The following PDCD4 variants were observed in gnomAD, a reference collection of about 807,000 sequenced individuals.
PDCD4 encodes programmed cell death protein 4.
In PDCD4, 56 loss-of-function variants were observed where a neutral mutation model predicts 54.0. The ratio of observed to expected loss-of-function variants is 1.04; its 90% CI spans 0.84 to 1.30. PDCD4 has a LOEUF of 1.30. PDCD4 is among the 50% of genes most tolerant of loss of function. The probability of loss-of-function intolerance (pLI) is 0.00; values close to 1 mark genes in which losing one functional copy is unlikely to be tolerated. For missense variants in PDCD4, 584 were observed against 559.8 expected (o/e 1.04, Z -0.44); for synonymous variants, 186 against 194.8 (o/e 0.95, Z 0.37).
chr10:110,887,630 C>G (rs772863708), intron 5 of PDCD4, 35 bp from the exon 6 acceptor site: 2 of 1,494,984 alleles, frequency 1.3e-6, no homozygotes, highest in Non-Finnish European at 1.9e-6. Context: ...TAGTGATACA[C>G]TTTTAAAATG....
Position 110,890,624 on chromosome 10 carries a change from G to C in PDCD4, c.944G>C (p.Trp315Ser). The change falls in exon 8 of 12, where the codon TGG becomes TCG. Residue 315 changes from tryptophan (W) to serine (S), a missense_variant. By Grantham distance (177) the Trp-to-Ser change is radical (BLOSUM62 -3). Transcript: ENST00000280154. Reference sequence around the variant, plus strand: ...GGTGGAAAGCGTAAAGATAGTGTGTGGGGCTCTGGAGGTGGGCAGCAATCT... The same window carrying C: ...GGTGGAAAGCGTAAAGATAGTGTGTCGGGCTCTGGAGGTGGGCAGCAATCT... The part of the protein sequence containing the change: ...SKGGKRKDSV[W>S]GSGGGQQSVN... The C allele has an allele frequency of 6.2e-7, 1 of 1,613,240 alleles. No individual in the cohort carries two copies. Among genetic ancestry groups the C allele is most frequent in the Non-Finnish European group, 8.5e-7 (1 of 1,179,438 alleles).
intron 8 of PDCD4, among the ~76,000 whole-genome samples, chr10:110,892,186 C>T (rs759236017): frequency 6.6e-6 from 1 of 152,080 alleles, no homozygotes; most frequent in African/African-American, 2.4e-5. Context: ...AACTGCAAAA[C>T]AGGTTGAAAG....
Position 110,894,423 on chromosome 10 carries a change from G to C in PDCD4, c.1110G>C (p.Met370Ile). The change falls in exon 10 of 12, where the codon ATG becomes ATC. Residue 370 changes from methionine (M) to isoleucine (I), a missense_variant. Coordinates refer to ENST00000280154, the MANE Select transcript of PDCD4 (RefSeq NM_014456.5). Reference sequence around the variant, plus strand: ...GATTCAATTTTTAGGCTATTATAATGGTTTTAGAGTCAACTGGAGAAAGTA... The same window carrying C: ...GATTCAATTTTTAGGCTATTATAATCGTTTTAGAGTCAACTGGAGAAAGTA... ...HHELVYEAII[M>I]VLESTGESTF... 1 of 1,528,122 alleles carries C rather than the reference G, an allele frequency of 6.5e-7. No homozygotes were observed. 94.7% of individuals were successfully genotyped at this position (1,528,122 alleles called of 1,614,324 possible). A position where few individuals can be genotyped will look rare whatever the true frequency, so the allele number is the denominator to read the frequency against.
intron 4 of PDCD4, among the ~76,000 whole-genome samples, chr10:110,884,558 T>G (rs1482946362): frequency 6.6e-6 from 1 of 152,136 alleles, no homozygotes; most frequent in Non-Finnish European, 1.5e-5. Flanking sequence ...GCTTCATTTT[T>G]TTTTAAAGTG....
At position 110,894,421 on chromosome 10, in the gene PDCD4, A is replaced by C. The variant is rs761574880; in HGVS notation, c.1108A>C (p.Met370Leu). The change falls in exon 10 of 12, where the codon ATG becomes CTG. Residue 370 changes from methionine to leucine, a missense_variant. Met to Leu is a conservative substitution (Grantham distance 15). Coordinates refer to ENST00000280154, the MANE Select transcript of PDCD4 (RefSeq NM_014456.5). ...HHELVYEAII[M>L]VLESTGESTF... ...TTGATTCAATTTTTAGGCTATTATA[A>C]TGGTTTTAGAGTCAACTGGAGAAAG... 6.6e-7 allele frequency: 1 copy of C among 1,519,638 alleles called. No homozygotes were observed. The highest frequency in any genetic ancestry group is 2.3e-5 in the East Asian group (1 of 44,254). The allele number at this position is 1,519,638 out of a possible 1,614,324, so 94.1% of individuals were successfully genotyped here. A position where few individuals can be genotyped will look rare whatever the true frequency, so the allele number is the denominator to read the frequency against.
chr10:110,898,104 C>G lies in PDCD4; in HGVS notation c.*16C>G, dbSNP rs201739274. 5 of 1,486,816 alleles carry G rather than the reference C, an allele frequency of 3.4e-6. No individual in the cohort carries two copies. The South Asian group carries it at 3.8e-5, about 11-fold the overall frequency. 92.1% of individuals were successfully genotyped at this position (1,486,816 alleles called of 1,614,324 possible). A position where few individuals can be genotyped will look rare whatever the true frequency, so the allele number is the denominator to read the frequency against. ...GAGCTACTGAATATAAGAACTCTTGCAGTCTTAGATGTTATAAAAATATAT... is the reference window on the plus strand; with the variant it reads ...GAGCTACTGAATATAAGAACTCTTGGAGTCTTAGATGTTATAAAAATATAT... On this transcript the variant is annotated 3_prime_UTR_variant, in exon 12 of 12. Coordinates refer to ENST00000280154, the MANE Select transcript of PDCD4 (RefSeq NM_014456.5).
intron 2 of PDCD4, among the ~76,000 whole-genome samples, chr10:110,877,654 C>T (rs745730375): frequency 6.6e-6 from 1 of 151,892 alleles, no homozygotes; most frequent in Non-Finnish European, 1.5e-5. Flanking sequence ...TAGTTCTAAC[C>T]CTGTTCTTGG....
intron 2 of PDCD4, among the ~76,000 whole-genome samples, chr10:110,877,080 T>A (rs1845516849): frequency 6.6e-6 from 1 of 152,208 alleles, no homozygotes; most frequent in Non-Finnish European, 1.5e-5. Flanking sequence ...TAAAGTATGG[T>A]AAAAAATTGA....
chr10:110,896,301 C>T (rs1477964706), intron 11 of PDCD4, among the ~76,000 whole-genome samples: 1 of 152,154 alleles, frequency 6.6e-6, no homozygotes, highest in African/African-American at 2.4e-5. Context: ...AGAAACTAAT[C>T]TTGTGGAGCA....
chr10:110,878,548 G>A (rs547426686), intron 2 of PDCD4, among the ~76,000 whole-genome samples: 1 of 152,198 alleles, frequency 6.6e-6, no homozygotes. Context: ...TAATTTATGT[G>A]ATCCTGATCT....
chr10:110,885,025 G>A (rs1845647718), intron 4 of PDCD4: 1 of 340,516 alleles, frequency 2.9e-6, no homozygotes, highest in Non-Finnish European at 5.3e-6. Flanking sequence ...TGAACTCCAG[G>A]CCTCAAGTGA....
chr10:110,872,346 TCC>T (rs1257141657), intron 1 of PDCD4: 3 of 152,200 alleles, frequency 2.0e-5, no homozygotes, highest in Non-Finnish European at 4.4e-5. Flanking sequence ...CCCTTGAAGG[TCC>T]CCCTCAGCCC....
intron 2 of PDCD4, among the ~76,000 whole-genome samples, chr10:110,880,964 AAAC>A (rs1845581051): frequency 6.6e-6 from 1 of 152,198 alleles, no homozygotes; most frequent in Admixed American, 6.5e-5. Flanking sequence ...CTTTTGGTAA[AAAC>A]AAACAAATTT....
intron 8 of PDCD4, 63 bp from the exon 9 acceptor site, chr10:110,894,028 T>A (rs535862467): frequency 3.1e-6 from 3 of 958,924 alleles, no homozygotes; most frequent in Non-Finnish European, 5.0e-6. Flanking sequence ...AATAATCCTG[T>A]AGGCAAGCAC....
intron 3 of PDCD4, 50 bp from the exon 4 acceptor site, chr10:110,882,953 C>G: frequency 9.1e-7 from 1 of 1,102,146 alleles, no homozygotes; most frequent in South Asian, 1.3e-5. Flanking sequence ...TAGATTTCAA[C>G]AAATTGATGA....
chr10:110,873,242 A>G (rs941355440), intron 1 of PDCD4, among the ~76,000 whole-genome samples: 8 of 152,244 alleles, frequency 5.3e-5, no homozygotes, highest in African/African-American at 1.9e-4. Flanking sequence ...GACTGCAAAA[A>G]TAAATGCCGC....
At chr10:110,886,652 T>G (rs753238563) in intron 5 of PDCD4, among the ~76,000 whole-genome samples, 1 of 152,148 alleles carries the variant, frequency 6.6e-6, no homozygotes, top group Non-Finnish European at 1.5e-5. Flanking sequence ...ACTTTCAGTT[T>G]GGCTACTCCA....
chr10:110,890,498 T>C (rs2135214863), intron 7 of PDCD4, 58 bp from the exon 8 acceptor site: 1 of 885,130 alleles, frequency 1.1e-6, no homozygotes, highest in East Asian at 2.6e-5. Flanking sequence ...TTATCCCTAA[T>C]TTAGTAAACT....
chr10:110,881,667 G>A (rs1845595141), intron 3 of PDCD4, 132 bp downstream of exon 3: 1 of 679,008 alleles, frequency 1.5e-6, no homozygotes, highest in Non-Finnish European at 2.3e-6. Flanking sequence ...TTTACAGTTT[G>A]TATATATTTT....
Sources: allele counts gnomAD v4.1 joint callset (sites outside exome capture counted in the v4.1 genomes callset), GRCh38; gene constraint gnomAD v4.1.1; transcripts MANE v1.5; gene names NCBI Gene and HGNC (gene_info 2026-07-23, HGNC 2026-07-21).